KLHL8: variants seen among roughly 807,000 people sequenced by gnomAD.
The protein encoded by KLHL8 is kelch like family member 8, also known as kelch-like protein 8.
In KLHL8, 38 loss-of-function variants were observed where a neutral mutation model predicts 63.5. The ratio of observed to expected loss-of-function variants is 0.60; its 90% CI spans 0.46 to 0.78. The LOEUF is 0.78. Ranked by LOEUF, KLHL8 falls within the 30% of genes least tolerant of loss-of-function variation. KLHL8 has a pLI of 0.00. For missense variants in KLHL8, 566 were observed against 752.4 expected (o/e 0.75, Z 2.90); for synonymous variants, 224 against 254.3 (o/e 0.88, Z 1.13).
chr4:87,214,290 T>C (rs947956076), intron 1 of KLHL8, among the ~76,000 whole-genome samples: 1 of 151,306 alleles, frequency 6.6e-6, no homozygotes, highest in African/African-American at 2.4e-5. Context: ...TTGTATGATA[T>C]TGGTTAAGTT....
intron 1 of KLHL8, among the ~76,000 whole-genome samples, chr4:87,201,118 C>A (rs193236663): frequency 1.1e-3 from 171 of 152,028 alleles, no homozygotes; most frequent in African/African-American, 3.9e-3. Flanking sequence ...ATGGTGGTTG[C>A]CAAGAGAGGT....
chr4:87,207,451 C>T (rs543708585), intron 1 of KLHL8: 1 of 723,324 alleles, frequency 1.4e-6, no homozygotes, highest in Non-Finnish European at 2.5e-6. Flanking sequence ...CATCATCTCT[C>T]CCCACTTTGT....
At chr4:87,207,441 C>A in intron 1 of KLHL8, 2 of 713,010 alleles carry the variant, frequency 2.8e-6, no homozygotes, top group South Asian at 3.0e-5. Context: ...CCAAAAGGGT[C>A]ATCATCTCTC....
chr4:87,169,064 G>T (rs531219612), intron 8 of KLHL8, among the ~76,000 whole-genome samples: 1 of 152,186 alleles, frequency 6.6e-6, no homozygotes, highest in South Asian at 2.1e-4. Flanking sequence ...CAGCACTTTG[G>T]GAGGCCAAGG....
intron 1 of KLHL8, chr4:87,207,874 C>A: frequency 6.5e-7 from 1 of 1,531,872 alleles, no homozygotes; most frequent in Non-Finnish European, 9.0e-7. Flanking sequence ...GGTGGTGAAG[C>A]AGACATCGGA....
At position 87,195,444 on chromosome 4, in the gene KLHL8, T is replaced by C; in HGVS notation, c.96A>G (p.Ser32=). Residue 32 remains serine (S), a synonymous_variant, in exon 2 of 10, where the codon TCA becomes TCG. Coordinates refer to ENST00000273963, the MANE Select transcript of KLHL8 (RefSeq NM_020803.5). ...AATCTTCTCCATCACCATCACTAATTGAGGATCTGTTCTTTATTTGCTGGT... is the reference window on the plus strand; with the variant it reads ...AATCTTCTCCATCACCATCACTAATCGAGGATCTGTTCTTTATTTGCTGGT... ...QQHQQIKNRS[S]ISDGDGEDSF... is the part of the protein sequence containing the mutation. The C allele has an allele frequency of 6.2e-7, 1 of 1,613,882 alleles. No individual in the cohort carries two copies. Among genetic ancestry groups the C allele is most frequent in the Non-Finnish European group, 8.5e-7 (1 of 1,179,836 alleles).
intron 2 of KLHL8, among the ~76,000 whole-genome samples, chr4:87,188,390 A>C (rs930840053): frequency 1.3e-5 from 2 of 152,202 alleles, no homozygotes; most frequent in Non-Finnish European, 2.9e-5. Context: ...TACAATTTCT[A>C]GATAACCATT....
At chr4:87,187,405 C>T (rs7692274) in intron 2 of KLHL8, among the ~76,000 whole-genome samples, 141,929 of 147,682 alleles carry the variant, frequency 0.96, 68,179 homozygotes, top group South Asian at 0.99. Context: ...CTTTTTTTTT[C>T]TTTTTTGCTC....
At chr4:87,167,490 TG>T in intron 8 of KLHL8, 1 of 530,188 alleles carries the variant, frequency 1.9e-6, no homozygotes. Flanking sequence ...AAGAGGAGGC[TG>T]GGAGCAATTT....
chr4:87,197,639 T>C (rs1731747415), intron 1 of KLHL8, among the ~76,000 whole-genome samples: 1 of 152,182 alleles, frequency 6.6e-6, no homozygotes, highest in Admixed American at 6.5e-5. Flanking sequence ...CACTAAATTG[T>C]GGTAATTTGT....
At chr4:87,208,663 C>G (rs1486719039) in intron 1 of KLHL8, among the ~76,000 whole-genome samples, 1 of 152,064 alleles carries the variant, frequency 6.6e-6, no homozygotes, top group Non-Finnish European at 1.5e-5. Context: ...TTTTGTCATG[C>G]CATATTTTGT....
intron 1 of KLHL8, among the ~76,000 whole-genome samples, chr4:87,196,788 A>AT (rs1159366900): frequency 6.6e-6 from 1 of 151,892 alleles, no homozygotes; most frequent in Non-Finnish European, 1.5e-5. Context: ...TGGCTGTGTA[A>AT]TTTTTTTTGA....
intron 4 of KLHL8, among the ~76,000 whole-genome samples, chr4:87,178,976 T>TA (rs1382775688): frequency 6.6e-6 from 1 of 152,206 alleles, no homozygotes; most frequent in Non-Finnish European, 1.5e-5. Context: ...GGAAACATCT[T>TA]ACTTCCTTGA....
rs530100974 is a variant in KLHL8, at chr4:87,234,777, T to C, written n.57+5481A>G. 2.0e-5 allele frequency among the ~76,000 whole-genome samples: 3 copies of C among 152,296 alleles called. No individual in the cohort carries two copies. The South Asian group carries it at 6.2e-4, about 32-fold the overall frequency. On this transcript the variant is annotated intron_variant and non_coding_transcript_variant, in intron 1 of 1. Transcript: ENST00000506274. ...ATTCCAGAAGAAGGTATTGTTATCA[T>C]AGAGATGACAACTCCATGTGGGTTA... is the stretch of plus-strand genomic sequence containing the variant.
rs200249933 is a variant in KLHL8, at chr4:87,195,181, T to TA, written c.216+142dup. 2.5e-3 allele frequency: 1,510 copies of TA among 595,410 alleles called. 8 individuals are homozygous for TA. Among genetic ancestry groups the TA allele is most frequent in the African/African-American group, 0.02 (1,077 of 53,162 alleles). 36.9% of individuals were successfully genotyped at this position (595,410 alleles called of 1,614,324 possible). On this transcript the variant is annotated intron_variant, in intron 2 of 9. Transcript: ENST00000273963. ...ACCCTCTATGTCCTTTCTCCTACAC[T>TA]AAAAAAAAAGATTGAGACTAAAAGC...
chr4:87,189,030 C>A (rs903318525), intron 2 of KLHL8, among the ~76,000 whole-genome samples: 2 of 152,144 alleles, frequency 1.3e-5, no homozygotes, highest in African/African-American at 4.8e-5. Context: ...ATTGGGCAGT[C>A]CTGGAACAAG....
At chr4:87,233,772 G>A (rs1441862269) in intron 1 of KLHL8, among the ~76,000 whole-genome samples, 4 of 151,868 alleles carry the variant, frequency 2.6e-5, no homozygotes, top group Admixed American at 6.6e-5. Flanking sequence ...TTTTTATCAC[G>A]TTACCACTTA....
intron 4 of KLHL8, among the ~76,000 whole-genome samples, chr4:87,180,944 G>A (rs1008757417): frequency 6.6e-6 from 1 of 152,100 alleles, no homozygotes; most frequent in Non-Finnish European, 1.5e-5. Context: ...GCTGAGGGAG[G>A]AGGACTGCTC....
At chr4:87,235,157 A>G (rs539491881) in intron 1 of KLHL8, among the ~76,000 whole-genome samples, 1 of 152,316 alleles carries the variant, frequency 6.6e-6, no homozygotes, top group South Asian at 2.1e-4. Context: ...TACATAGTGT[A>G]CAGTAATGTC....
Sources: gnomAD v4.1 joint callset for allele counts (sites outside exome capture counted in the v4.1 genomes callset) on GRCh38, gnomAD v4.1.1 for gene constraint, MANE v1.5 for transcripts, NCBI Gene and HGNC (gene_info 2026-07-23, HGNC 2026-07-21) for gene names.